The following SLC5A4 variants were observed in gnomAD, a reference collection of about 807,000 sequenced individuals.
SLC5A4 encodes the protein solute carrier family 5 member 4, also known as probable glucose sensor protein SLC5A4.
A neutral mutation model predicts 70.3 loss-of-function variants in SLC5A4; 55 were observed. The observed-to-expected ratio is 0.78, with a 90% confidence interval of 0.63 to 0.98. SLC5A4 has a LOEUF of 0.98. Ranked by LOEUF, SLC5A4 falls within the 50% of genes least tolerant of loss-of-function variation. SLC5A4 has a pLI of 0.00. For missense variants in SLC5A4, 735 were observed against 839.2 expected (o/e 0.88, Z 1.53); for synonymous variants, 268 against 305.7 (o/e 0.88, Z 1.29).
the SLC5A4 span, chr22:32,271,082 G>A: frequency 1.7e-6 from 1 of 587,926 alleles, no homozygotes. Flanking sequence ...CAGCAAGGAG[G>A]TGGCCCGAAG....
chr22:32,239,543 T>TAA (rs1926296623), intron 5 of SLC5A4, among the ~76,000 whole-genome samples: 1 of 11,870 alleles, frequency 8.4e-5, no homozygotes, highest in Non-Finnish European at 1.3e-4. Context: ...TATATATATA[T>TAA]ATATATATAT....
chr22:32,320,558 C>T, the SLC5A4 span, among the ~76,000 whole-genome samples: 2 of 152,192 alleles, frequency 1.3e-5, no homozygotes, highest in African/African-American at 4.8e-5. Flanking sequence ...AGCCACCTCC[C>T]ATGCTCTGCT....
At chr22:32,321,625 C>T in the SLC5A4 span, among the ~76,000 whole-genome samples, 1 of 152,172 alleles carries the variant, frequency 6.6e-6, no homozygotes, top group African/African-American at 2.4e-5. Flanking sequence ...TCCCACCTTC[C>T]GCCCTTCAGT....
chr22:32,308,134 CAGCTCACTGCA>C, the SLC5A4 span, among the ~76,000 whole-genome samples: 143 of 152,296 alleles, frequency 9.4e-4, no homozygotes, highest in African/African-American at 3.3e-3. Context: ...GGTACGATCT[CAGCTCACTGCA>C]AGCTCTGCCT....
the SLC5A4 span, among the ~76,000 whole-genome samples, chr22:32,278,810 T>C: frequency 6.6e-6 from 1 of 152,272 alleles, no homozygotes; most frequent in African/African-American, 2.4e-5. Flanking sequence ...AGAAAGACAG[T>C]AAGCAATACT....
chr22:32,250,926 G>A (rs189881259), intron 3 of SLC5A4, among the ~76,000 whole-genome samples: 2 of 151,820 alleles, frequency 1.3e-5, no homozygotes, highest in East Asian at 3.9e-4. Context: ...TGGACACAGG[G>A]AGGGGAACAT....
chr22:32,263,142 A>G, the SLC5A4 span, among the ~76,000 whole-genome samples: 3 of 151,728 alleles, frequency 2.0e-5, no homozygotes, highest in African/African-American at 7.3e-5. Flanking sequence ...AGTAGCTACA[A>G]GCATACACCA....
chr22:32,295,616 C>G, the SLC5A4 span, among the ~76,000 whole-genome samples: 1 of 94,650 alleles, frequency 1.1e-5, no homozygotes, highest in East Asian at 3.1e-4. Context: ...TGCCTGTTCA[C>G]TCTGATGGTA....
At chr22:32,335,319 C>G in the SLC5A4 span, among the ~76,000 whole-genome samples, 1 of 150,932 alleles carries the variant, frequency 6.6e-6, no homozygotes, top group Non-Finnish European at 1.5e-5. Flanking sequence ...AGGCTGGCAA[C>G]AGAACCACCT....
the SLC5A4 span, among the ~76,000 whole-genome samples, chr22:32,329,043 C>T: frequency 7.2e-5 from 11 of 152,220 alleles, no homozygotes; most frequent in African/African-American, 2.4e-4. Flanking sequence ...TTCCCTAGCA[C>T]CAGCCCCATC....
chr22:32,229,191 C>T lies in SLC5A4; in HGVS notation c.1280+3G>A, dbSNP rs1247229274. 3.7e-6 allele frequency: 6 copies of T among 1,613,014 alleles called. No individual in the cohort carries two copies. The highest frequency in any genetic ancestry group is 1.3e-5 in the African/African-American group (1 of 74,900). ...TTCTAGGTGGGAACCAGGGTTCACTCACCGTCCAGCTATCAGGAGCTCTTT... is the reference window on the plus strand; with the variant it reads ...TTCTAGGTGGGAACCAGGGTTCACTTACCGTCCAGCTATCAGGAGCTCTTT... On this transcript the variant is annotated splice_donor_region_variant and intron_variant, in intron 11 of 14. Transcript: ENST00000266086.
the SLC5A4 span, among the ~76,000 whole-genome samples, chr22:32,283,971 C>G: frequency 2.6e-4 from 39 of 152,112 alleles, no homozygotes; most frequent in Admixed American, 2.6e-3. Context: ...GGAATTTTTA[C>G]AAAGAATTGT....
At chr22:32,307,154 T>C in the SLC5A4 span, among the ~76,000 whole-genome samples, 5 of 92,688 alleles carry the variant, frequency 5.4e-5, no homozygotes, top group African/African-American at 2.0e-4. Flanking sequence ...GTGTCGTGAA[T>C]GGTGCCTACT....
At chr22:32,313,253 T>C in the SLC5A4 span, among the ~76,000 whole-genome samples, 4 of 152,356 alleles carry the variant, frequency 2.6e-5, no homozygotes, top group South Asian at 8.3e-4. Flanking sequence ...CAGCAGTTAC[T>C]AGGGTAATTA....
At chr22:32,343,685 C>CA in the SLC5A4 span, among the ~76,000 whole-genome samples, 2 of 152,164 alleles carry the variant, frequency 1.3e-5, no homozygotes, top group Non-Finnish European at 2.9e-5. Context: ...GGTCTCTACC[C>CA]AAACTTTTCA....
chr22:32,302,716 T>A, the SLC5A4 span, among the ~76,000 whole-genome samples: 1 of 152,344 alleles, frequency 6.6e-6, no homozygotes, highest in African/African-American at 2.4e-5. Context: ...TAGACTTGAT[T>A]GTTATAGCTA....
chr22:32,291,658 G>C, the SLC5A4 span, among the ~76,000 whole-genome samples: 1 of 151,952 alleles, frequency 6.6e-6, no homozygotes, highest in African/African-American at 2.4e-5. Context: ...TCTTAAGCTT[G>C]AATTTTCTTT....
chr22:32,251,680 G>T, intron 3 of SLC5A4, 90 bp downstream of exon 3: 1 of 850,648 alleles, frequency 1.2e-6, no homozygotes, highest in Non-Finnish European at 2.0e-6. Context: ...AAATTATCCA[G>T]CCTGTGATAT....
At chr22:32,347,358 T>C in the SLC5A4 span, among the ~76,000 whole-genome samples, 2 of 152,320 alleles carry the variant, frequency 1.3e-5, no homozygotes, top group Admixed American at 1.3e-4. Flanking sequence ...TTACTGGGTA[T>C]ATACCCAAAG....
Sources: allele counts gnomAD v4.1 joint callset (sites outside exome capture counted in the v4.1 genomes callset), GRCh38; gene constraint gnomAD v4.1.1; transcripts MANE v1.5; gene names NCBI Gene and HGNC (gene_info 2026-07-23, HGNC 2026-07-21).